ALDH1L1: variants seen among roughly 807,000 people sequenced by gnomAD.
ALDH1L1 encodes aldehyde dehydrogenase 1 family member L1, also known as cytosolic 10-formyltetrahydrofolate dehydrogenase.
ALDH1L1 carries 68 observed loss-of-function variants against 101.1 expected under a neutral mutation model. That is an observed-to-expected ratio of 0.67 (90% CI 0.55 to 0.82). ALDH1L1 has a LOEUF of 0.82. Among genes scored for constraint, ALDH1L1 ranks in the 40% least tolerant of loss-of-function variants. The pLI is 0.00. For missense variants in ALDH1L1, 1,087 were observed against 1,172.7 expected, an observed-to-expected ratio of 0.93 and a Z score of 1.07; for synonymous variants, 486 against 470.8, an observed-to-expected ratio of 1.03 and a Z score of -0.42.
At chr3:126,183,474 G>T (rs1054702678), upstream of ALDH1L1, among the ~76,000 whole-genome samples, 18 of 152,188 alleles carry the variant, frequency 1.2e-4, no homozygotes, top group Non-Finnish European at 2.5e-4. Flanking sequence ...TCATGGAAAA[G>T]AAGGGATGAC....
chr3:126,115,003 T>G (rs1399172468), intron 17 of ALDH1L1: 1 of 463,714 alleles, frequency 2.2e-6, no homozygotes, highest in Non-Finnish European at 4.3e-6. Flanking sequence ...TCTGCTGTCC[T>G]TTCCTCTACT....
At chr3:126,117,930 C>T (rs1025503436) in intron 17 of ALDH1L1, 75 bp downstream of exon 17, 4 of 1,400,920 alleles carry the variant, frequency 2.9e-6, no homozygotes, top group Non-Finnish European at 3.0e-6. Context: ...CAGGACACAG[C>T]TCCTGGGACA....
At chr3:126,111,492 C>A (rs1946076611) in intron 19 of ALDH1L1, among the ~76,000 whole-genome samples, 1 of 152,250 alleles carries the variant, frequency 6.6e-6, no homozygotes, top group African/African-American at 2.4e-5. Context: ...CAAACCCCAG[C>A]CTAGACTGCC....
chr3:126,175,908 G>T (rs1245711698), intron 1 of ALDH1L1, among the ~76,000 whole-genome samples: 1 of 152,100 alleles, frequency 6.6e-6, no homozygotes, highest in Non-Finnish European at 1.5e-5. Flanking sequence ...AACTGTTCTT[G>T]TTCTCAAAAA....
chr3:126,127,989 G>A (rs1311088200), intron 14 of ALDH1L1, among the ~76,000 whole-genome samples: 7 of 152,158 alleles, frequency 4.6e-5, no homozygotes, highest in Non-Finnish European at 1.5e-5. Context: ...GCTGGTGAGG[G>A]CTGGAGGTGG....
chr3:126,132,880 A>C (rs1001647202), intron 12 of ALDH1L1, among the ~76,000 whole-genome samples: 6 of 152,232 alleles, frequency 3.9e-5, no homozygotes, highest in African/African-American at 1.4e-4. Flanking sequence ...CAGCTCCAGC[A>C]CAGCACTGGG....
chr3:126,108,350 A>G (rs1193394066), intron 20 of ALDH1L1, among the ~76,000 whole-genome samples: 2 of 152,172 alleles, frequency 1.3e-5, no homozygotes, highest in African/African-American at 4.8e-5. Flanking sequence ...GTTCCTTCTC[A>G]TACCCCCTCC....
chr3:126,112,472 G>A (rs888054800), intron 19 of ALDH1L1, among the ~76,000 whole-genome samples: 3 of 152,210 alleles, frequency 2.0e-5, no homozygotes, highest in Non-Finnish European at 4.4e-5. Flanking sequence ...TCACCCAAGA[G>A]TCCACTCTGA....
chr3:126,107,029 G>T, intron 21 of ALDH1L1, 112 bp downstream of exon 21: 1 of 980,794 alleles, frequency 1.0e-6, no homozygotes. Flanking sequence ...CTTGCGCCCT[G>T]CCTGAGTTCT....
Position 126,109,194 on chromosome 3 carries a change from C to T in ALDH1L1, c.2347+750G>A, listed in dbSNP as rs755749429. Among the ~76,000 whole-genome samples, 53 of 152,188 alleles carry T rather than the reference C, an allele frequency of 3.5e-4. 1 individual carries two copies. Among genetic ancestry groups the T allele is most frequent in the Non-Finnish European group, 6.5e-4 (44 of 68,036 alleles). ...CTGAGCACCAACTCTGTGCAAGGCC[C>T]GGTCTAGGCACAAAGGAGCTAGGGG... is the stretch of plus-strand genomic sequence containing the variant. On this transcript the variant is annotated intron_variant, in intron 20 of 22. Transcript: ENST00000393434.
upstream of ALDH1L1, chr3:126,180,842 G>T: frequency 6.5e-7 from 1 of 1,548,770 alleles, no homozygotes; most frequent in Non-Finnish European, 8.7e-7. Flanking sequence ...AAAGTCCCAA[G>T]CACCCAGCAG....
intron 13 of ALDH1L1, among the ~76,000 whole-genome samples, 195 bp downstream of exon 13, chr3:126,131,189 T>C (rs2080294425): frequency 6.6e-6 from 1 of 152,240 alleles, no homozygotes; most frequent in Non-Finnish European, 1.5e-5. Context: ...TTGTGAGACC[T>C]TGGCATGGAA....
In ALDH1L1 at chr3:126,158,424, C is replaced by T. The variant is rs1238581984; in HGVS notation, c.343G>A (p.Gly115Arg). Residue 115 changes from glycine (G) to arginine (R), a missense_variant, in exon 3 of 23, where the codon GGG becomes AGG. Around this residue, in one of 2 missense-constraint regions of ALDH1L1, gnomAD observed 645 missense variants for 637.0 expected, o/e 1.01. Coordinates refer to ENST00000393434, the MANE Select transcript of ALDH1L1 (RefSeq NM_012190.4). The part of the protein sequence containing the change: ...YHPSLLPRHR[G>R]ASAINWTLIH... Reference sequence around the variant, plus strand: ...TCTCACCAGTTGATGGCCGAGGCCCCTCGGTGCCTAGGGAGCAGTGACGGG... The same window carrying T: ...TCTCACCAGTTGATGGCCGAGGCCCTTCGGTGCCTAGGGAGCAGTGACGGG... 2 of 1,603,948 alleles carry T rather than the reference C, an allele frequency of 1.2e-6. No homozygotes were observed. Among genetic ancestry groups the T allele is most frequent in the South Asian group, 1.1e-5 (1 of 90,058 alleles).
chr3:126,148,447 G>A (rs758467405), intron 8 of ALDH1L1, among the ~76,000 whole-genome samples: 13 of 152,312 alleles, frequency 8.5e-5, no homozygotes, highest in Admixed American at 2.0e-4. Context: ...CACCAACACC[G>A]GGGAGCTGCA....
intron 1 of ALDH1L1, among the ~76,000 whole-genome samples, chr3:126,163,896 G>T (rs997735413): frequency 1.3e-5 from 2 of 152,176 alleles, no homozygotes; most frequent in African/African-American, 4.8e-5. Context: ...CACGTTGGGA[G>T]GCTGAGGTGG....
Position 126,135,462 on chromosome 3 carries a change from C to G in ALDH1L1, c.1472+73G>C, listed in dbSNP as rs112318883. 0.012 allele frequency: 18,214 copies of G among 1,552,414 alleles called. 1,680 individuals carry two copies. The African/African-American group carries it at 0.22, about 19-fold the overall frequency. On this transcript the variant is annotated intron_variant, in intron 12 of 22. Transcript: ENST00000393434. ...CTCCTGGCAGGTAAAAGGGCCTCCACAGAAGTCCCCCCCGTGCCACTGCCC... is the reference window on the plus strand; with the variant it reads ...CTCCTGGCAGGTAAAAGGGCCTCCAGAGAAGTCCCCCCCGTGCCACTGCCC...
chr3:126,186,386 C>T (rs886390283), upstream of ALDH1L1, among the ~76,000 whole-genome samples: 7 of 152,140 alleles, frequency 4.6e-5, no homozygotes, highest in Non-Finnish European at 8.8e-5. Flanking sequence ...CAGGATTCAG[C>T]GCAGGCATGT....
At chr3:126,120,859 C>T (rs1423560630) in intron 16 of ALDH1L1, among the ~76,000 whole-genome samples, 3 of 151,994 alleles carry the variant, frequency 2.0e-5, no homozygotes, top group Non-Finnish European at 4.4e-5. Context: ...TATCATATAT[C>T]AGACCACGAA....
At chr3:126,107,373 C>G in intron 20 of ALDH1L1, 127 bp from the exon 21 acceptor site, 1 of 708,302 alleles carries the variant, frequency 1.4e-6, no homozygotes, top group South Asian at 1.6e-5. Flanking sequence ...CGGGTCACGG[C>G]ACCCGTGTGA....
Sources: allele counts gnomAD v4.1 joint callset (sites outside exome capture counted in the v4.1 genomes callset), GRCh38; gene constraint gnomAD v4.1.1; regional missense constraint gnomAD v4.1.1; transcripts MANE v1.5; gene names NCBI Gene and HGNC (gene_info 2026-07-23, HGNC 2026-07-21).